The following RBFOX1 variants were observed in gnomAD, a reference collection of about 807,000 sequenced individuals.
RBFOX1 encodes the protein RNA binding protein fox-1 homolog 1.
Under a neutral mutation model 57.7 loss-of-function variants are expected in RBFOX1, and 8 were observed. The observed-to-expected ratio is 0.14, with a 90% CI of 0.08 to 0.25. RBFOX1 has a LOEUF of 0.25. Among genes scored for constraint, RBFOX1 ranks in the 10% least tolerant of loss-of-function variants. The pLI, the probability that RBFOX1 is intolerant of heterozygous loss-of-function variation, is 1.00. For missense variants in RBFOX1, 611 were observed against 548.5 expected (o/e 1.11, Z -1.14); for synonymous variants, 326 against 222.4 (o/e 1.47, Z -4.15).
rs1000412505 is a variant in RBFOX1 at position 5,393,029 on chromosome 16, G to C, written c.220-74187G>C. Among the ~76,000 whole-genome samples the C allele has an allele frequency of 1.2e-4, 18 of 152,138 alleles. 1 individual carries two copies. The highest frequency in any genetic ancestry group is 4.3e-4 in the African/African-American group (18 of 41,438). ...AATAGACATTAGACCTTTGAGAAGA[G>C]GTGGCTAAAAGACCTCCGAGCATGG... is the stretch of plus-strand genomic sequence containing the variant. On this transcript the variant is annotated intron_variant, in intron 1 of 2. Transcript: ENST00000585867.
intron 1 of RBFOX1, among the ~76,000 whole-genome samples, chr16:6,267,386 A>G (rs908548737): frequency 2.6e-5 from 4 of 152,178 alleles, no homozygotes; most frequent in South Asian, 2.1e-4. Context: ...ACTATCTCCT[A>G]TGTGTCCCTC....
At chr16:5,693,402 G>A (rs1220473045) in intron 3 of RBFOX1, among the ~76,000 whole-genome samples, 1 of 150,132 alleles carries the variant, frequency 6.7e-6, no homozygotes, top group Non-Finnish European at 1.5e-5. Flanking sequence ...CTGAAACTCT[G>A]AATCAAAACA....
At chr16:6,899,834 G>A (rs2068003838) in intron 3 of RBFOX1, among the ~76,000 whole-genome samples, 1 of 152,190 alleles carries the variant, frequency 6.6e-6, no homozygotes, top group South Asian at 2.1e-4. Flanking sequence ...AAGCAGGCAG[G>A]AGCATTTCGT....
At chr16:6,656,392 G>T (rs999447327) in intron 3 of RBFOX1, among the ~76,000 whole-genome samples, 1 of 152,112 alleles carries the variant, frequency 6.6e-6, no homozygotes, top group African/African-American at 2.4e-5. Flanking sequence ...TCACGCACAA[G>T]GTAAATAAGC....
At chr16:5,927,877 G>A (rs1288533787) in intron 4 of RBFOX1, among the ~76,000 whole-genome samples, 3 of 152,132 alleles carry the variant, frequency 2.0e-5, no homozygotes, top group Non-Finnish European at 4.4e-5. Flanking sequence ...GATCCCACTT[G>A]TAAATGGAAT....
intron 4 of RBFOX1, among the ~76,000 whole-genome samples, chr16:5,991,820 G>A (rs1173152657): frequency 2.6e-5 from 4 of 151,988 alleles, no homozygotes; most frequent in Non-Finnish European, 5.9e-5. Context: ...TTCAACCTTA[G>A]CATGTACCTG....
intron 1 of RBFOX1, among the ~76,000 whole-genome samples, chr16:5,271,585 T>C (rs957900330): frequency 7.9e-5 from 12 of 152,254 alleles, no homozygotes; most frequent in Non-Finnish European, 1.5e-4. Flanking sequence ...GCGTTAGGTA[T>C]TGTGCTGAAC....
chr16:7,494,830 CTTTTTTT>C (rs61434992), intron 4 of RBFOX1, among the ~76,000 whole-genome samples: 1 of 125,444 alleles, frequency 8.0e-6, no homozygotes, highest in South Asian at 2.6e-4. Context: ...GTGTTACCTA[CTTTTTTT>C]TTTTTTTTTT....
chr16:5,546,555 A>G (rs2045214417), intron 2 of RBFOX1, among the ~76,000 whole-genome samples: 1 of 152,230 alleles, frequency 6.6e-6, no homozygotes, highest in East Asian at 1.9e-4. Context: ...TTGGACATCC[A>G]TGTGCAAACA....
intron 1 of RBFOX1, among the ~76,000 whole-genome samples, chr16:6,250,680 C>T (rs113798657): frequency 0.032 from 4,922 of 152,196 alleles, 175 homozygotes; most frequent in Non-Finnish European, 0.039. Context: ...GGGAAGCCTG[C>T]CGGCTGTTCT....
chr16:5,287,498 C>T (rs559531383), intron 1 of RBFOX1, among the ~76,000 whole-genome samples: 64 of 152,230 alleles, frequency 4.2e-4, no homozygotes, highest in Admixed American at 1.6e-3. Flanking sequence ...CCCTTGTATC[C>T]GTTAGTTGTT....
intron 3 of RBFOX1, among the ~76,000 whole-genome samples, chr16:6,821,045 T>C (rs952534017): frequency 3.3e-5 from 5 of 152,216 alleles, no homozygotes; most frequent in Admixed American, 3.3e-4. Flanking sequence ...ACAAAACAGA[T>C]TCCTATATAT....
At chr16:5,253,253 G>A (rs1468418408) in intron 1 of RBFOX1, among the ~76,000 whole-genome samples, 3 of 151,900 alleles carry the variant, frequency 2.0e-5, no homozygotes, top group Non-Finnish European at 2.9e-5. Flanking sequence ...GGGTTCAAGC[G>A]ATTCTCCTGT....
In RBFOX1 at chr16:6,826,232, C is replaced by G. The variant is rs189810711; in HGVS notation, c.-16+171582C>G. On this transcript the variant is annotated intron_variant, in intron 3 of 15. Transcript: ENST00000550418. ...GACGCATGTAAGAGCTTAGAACAGA[C>G]TGAGTGTGGTGCCTTGTACCTGTAA... Among the ~76,000 whole-genome samples, 37 of 152,234 alleles carry G rather than the reference C, an allele frequency of 2.4e-4. No individual in the cohort carries two copies. In the East Asian group the frequency reaches 7.0e-3, roughly 29 times the overall value.
At chr16:6,424,933 G>A (rs1309817220) in intron 2 of RBFOX1, among the ~76,000 whole-genome samples, 1 of 152,058 alleles carries the variant, frequency 6.6e-6, no homozygotes, top group African/African-American at 2.4e-5. Context: ...ATAGATATTT[G>A]TATTTATTGC....
intron 3 of RBFOX1, among the ~76,000 whole-genome samples, chr16:5,818,562 G>C (rs955502109): frequency 3.9e-5 from 6 of 152,192 alleles, no homozygotes; most frequent in African/African-American, 1.4e-4. Context: ...ATTGGAGATG[G>C]TCTAAGTCCA....
At chr16:7,026,917 G>A (rs1032086515) in intron 3 of RBFOX1, among the ~76,000 whole-genome samples, 1 of 152,150 alleles carries the variant, frequency 6.6e-6, no homozygotes, top group East Asian at 1.9e-4. Flanking sequence ...GGGTAATACC[G>A]GAGCTGGCGG....
At chr16:5,388,331 G>T (rs866386785) in intron 1 of RBFOX1, among the ~76,000 whole-genome samples, 1 of 152,134 alleles carries the variant, frequency 6.6e-6, no homozygotes, top group African/African-American at 2.4e-5. Context: ...GACAAAGGCT[G>T]ATCTCTGCCA....
intron 1 of RBFOX1, among the ~76,000 whole-genome samples, chr16:6,307,489 T>C (rs2079655404): frequency 6.6e-6 from 1 of 150,640 alleles, no homozygotes; most frequent in South Asian, 2.1e-4. Context: ...CTAAGTCTAA[T>C]TGATCTAAAT....
Sources: gnomAD v4.1 joint callset for allele counts (sites outside exome capture counted in the v4.1 genomes callset) on GRCh38, gnomAD v4.1.1 for gene constraint, MANE v1.5 for transcripts, NCBI Gene and HGNC (gene_info 2026-07-23, HGNC 2026-07-21) for gene names.